Variants in PNPT1 observed in about 807,000 individuals in gnomAD.
The protein encoded by PNPT1 is polyribonucleotide nucleotidyltransferase 1.
Under a neutral mutation model 119.5 loss-of-function variants are expected in PNPT1, and 53 were observed. The ratio of observed to expected loss-of-function variants is 0.44; its 90% confidence interval spans 0.36 to 0.56. The LOEUF (loss-of-function observed/expected upper bound fraction) is 0.56, where lower values mean the gene tolerates loss of function less well. Ranked by LOEUF, PNPT1 falls within the 20% of genes least tolerant of loss-of-function variation. PNPT1 has a pLI of 0.00. For synonymous variants in PNPT1, 357 were observed against 322.1 expected, an observed-to-expected ratio of 1.11 and a Z score of -1.16; for missense variants, 948 against 938.5, an observed-to-expected ratio of 1.01 and a Z score of -0.13.
At chr2:55,681,718 G>A (rs13400946) in intron 5 of PNPT1, among the ~76,000 whole-genome samples, 22,225 of 151,456 alleles carry the variant, frequency 0.15, 3,049 homozygotes, top group African/African-American at 0.36. Flanking sequence ...GGTAGTGCAC[G>A]CCTATAATCC....
chr2:55,644,782 C>A (rs1572797178), intron 22 of PNPT1, 62 bp from the exon 23 acceptor site: 1 of 1,204,060 alleles, frequency 8.3e-7, no homozygotes. Flanking sequence ...CTAAAACATG[C>A]CATGGTCACT....
rs70954146 is a variant in PNPT1 at position 55,677,596 on chromosome 2, CAA to C, written c.679+2084_679+2085del. On this transcript the variant is annotated intron_variant, in intron 8 of 27. Transcript: ENST00000447944. The stretch of plus-strand genomic sequence containing the variant: ...TGGGCAACAGAGCGAGACTATGTCT[CAA>C]AAAAAAAAAAAAAAAAAAAAAAAAG... 1.6e-3 allele frequency among the ~76,000 whole-genome samples: 52 copies of C among 33,490 alleles called. No homozygotes were observed. The East Asian group carries it at 0.018, about 12-fold the overall frequency. The allele number at this position is 33,490 out of a possible 152,430, so 22.0% of individuals were successfully genotyped here.
rs952031567 is a variant in PNPT1, at chr2:55,680,070, G to A, written c.566-275C>T. ...CTAGCCAGTCAGTATTCTCTCTAAC[G>A]CAAATGCTTAACACTAGATCCTACT... is the stretch of plus-strand genomic sequence containing the variant. On this transcript the variant is annotated intron_variant, in intron 7 of 27. Coordinates refer to ENST00000447944, the MANE Select transcript of PNPT1 (RefSeq NM_033109.5). 1.5e-4 allele frequency among the ~76,000 whole-genome samples: 23 copies of A among 151,966 alleles called. 1 individual carries two copies. The highest frequency in any genetic ancestry group is 9.8e-4 in the Admixed American group (15 of 15,230).
At chr2:55,680,680 A>G in intron 7 of PNPT1, 32 bp downstream of exon 7, 1 of 1,586,746 alleles carries the variant, frequency 6.3e-7, no homozygotes, top group South Asian at 1.1e-5. Context: ...AAAAATACAC[A>G]TATGATTTCT....
chr2:55,662,670 T>G (rs942755484), intron 13 of PNPT1, among the ~76,000 whole-genome samples: 1 of 152,004 alleles, frequency 6.6e-6, no homozygotes, highest in African/African-American at 2.4e-5. Context: ...CGAGACTCTG[T>G]CTCAGAAAAA....
chr2:55,665,856 T>C (rs963400122), intron 13 of PNPT1, among the ~76,000 whole-genome samples: 3 of 152,146 alleles, frequency 2.0e-5, no homozygotes, highest in African/African-American at 7.2e-5. Context: ...AAGCATAATA[T>C]GGTACACAGA....
Position 55,636,238 on chromosome 2 carries a change from C to G in PNPT1, c.2351G>C (p.Ter784SerextTer14). 1 of 1,572,334 alleles carries G rather than the reference C, an allele frequency of 6.4e-7. No individual in the cohort carries two copies. Among genetic ancestry groups the G allele is most frequent in the South Asian group, 1.2e-5 (1 of 86,224 alleles). ...PISQSSSNSQ[*>S] ...TAGAATTCTCTTTAAAAAAAAAAAT[C>G]ACTGAGAATTAGATGATGACTGTGA... is the stretch of plus-strand genomic sequence containing the variant. Residue 784 changes from the stop codon to serine, a stop_lost, in exon 28 of 28, where the codon TGA (stop) becomes TCA (serine). Transcript: ENST00000447944.
chr2:55,637,706 T>C, intron 26 of PNPT1, 107 bp from the exon 27 acceptor site: 1 of 1,007,376 alleles, frequency 9.9e-7, no homozygotes, highest in Non-Finnish European at 1.5e-6. Flanking sequence ...ATTAAAAAAA[T>C]CAGTTAGCGG....
Position 55,646,405 on chromosome 2 carries a change from T to C in PNPT1, c.1674+10A>G. 2.5e-6 allele frequency: 4 copies of C among 1,611,084 alleles called. No homozygotes were observed. The highest frequency in any genetic ancestry group is 3.4e-6 in the Non-Finnish European group (4 of 1,178,636). On this transcript the variant is annotated intron_variant, in intron 20 of 27. Coordinates refer to ENST00000447944, the MANE Select transcript of PNPT1 (RefSeq NM_033109.5). ...TTACAAAAATGAAACAAAATGGGTT[T>C]TAAAAATACCTGTAATGCAGTTATT...
At chr2:55,684,223 T>A (rs1697329502) in intron 4 of PNPT1, among the ~76,000 whole-genome samples, 1 of 152,230 alleles carries the variant, frequency 6.6e-6, no homozygotes, top group African/African-American at 2.4e-5. Context: ...CCGAGCACAG[T>A]GGTTCACGCC....
intron 13 of PNPT1, among the ~76,000 whole-genome samples, chr2:55,664,414 C>T (rs1000894824): frequency 3.3e-5 from 5 of 152,058 alleles, no homozygotes; most frequent in African/African-American, 4.8e-5. Context: ...CTAGCCTGGG[C>T]AATATGGCGA....
chr2:55,641,790 C>T (rs1340012073), intron 25 of PNPT1, among the ~76,000 whole-genome samples: 1 of 150,866 alleles, frequency 6.6e-6, no homozygotes, highest in Non-Finnish European at 1.5e-5. Context: ...TTTTCTTATC[C>T]TAAAAAAACA....
At chr2:55,667,518 C>G (rs963346842) in intron 12 of PNPT1, among the ~76,000 whole-genome samples, 1 of 151,502 alleles carries the variant, frequency 6.6e-6, no homozygotes, top group Non-Finnish European at 1.5e-5. Flanking sequence ...GACGTGAACC[C>G]GGAAGGCGGA....
intron 25 of PNPT1, among the ~76,000 whole-genome samples, chr2:55,641,825 A>T (rs1429489360): frequency 6.6e-6 from 1 of 151,300 alleles, no homozygotes; most frequent in Non-Finnish European, 1.5e-5. Context: ...GTCAAAAAAA[A>T]TGCTTTGAGA....
At chr2:55,667,166 AG>A in intron 12 of PNPT1, 73 bp from the exon 13 acceptor site, 4 of 1,167,318 alleles carry the variant, frequency 3.4e-6, no homozygotes, top group Non-Finnish European at 3.8e-6. Flanking sequence ...TATCTCTCCC[AG>A]GAAGTTCTCA....
At chr2:55,646,858 A>AGACACAGTCTT (rs1240203783) in intron 19 of PNPT1, among the ~76,000 whole-genome samples, 1 of 152,112 alleles carries the variant, frequency 6.6e-6, no homozygotes, top group Non-Finnish European at 1.5e-5. Flanking sequence ...ACTTATTTTG[A>AGACACAGTCTT]GACACAGTCT....
At chr2:55,648,702 A>T (rs1226183944) in intron 18 of PNPT1, among the ~76,000 whole-genome samples, 1 of 152,116 alleles carries the variant, frequency 6.6e-6, no homozygotes, top group South Asian at 2.1e-4. Flanking sequence ...TTCAATATGG[A>T]CAGAGCTTTA....
chr2:55,640,464 T>C (rs1695802726), intron 26 of PNPT1, among the ~76,000 whole-genome samples, 163 bp downstream of exon 26: 1 of 152,220 alleles, frequency 6.6e-6, no homozygotes, highest in Non-Finnish European at 1.5e-5. Context: ...TTTTTCTTTA[T>C]GCTAAACAAT....
chr2:55,693,603 G>A (rs1697691749), intron 1 of PNPT1, 60 bp downstream of exon 1: 1 of 1,592,372 alleles, frequency 6.3e-7, no homozygotes, highest in Non-Finnish European at 8.6e-7. Context: ...AGATGAATAC[G>A]CTCAAGCTGG....
Sources: allele counts gnomAD v4.1 joint callset (sites outside exome capture counted in the v4.1 genomes callset), GRCh38; gene constraint gnomAD v4.1.1; transcripts MANE v1.5; gene names NCBI Gene and HGNC (gene_info 2026-07-23, HGNC 2026-07-21).